The following SSBP2 variants were observed in gnomAD, a reference collection of about 807,000 sequenced individuals.
SSBP2 encodes the protein single-stranded DNA-binding protein 2.
In SSBP2, 17 loss-of-function variants were observed where a neutral mutation model predicts 61.8. The observed-to-expected ratio is 0.28, with a 90% CI of 0.19 to 0.41. The LOEUF is 0.41. Ranked by LOEUF, SSBP2 falls within the 10% of genes least tolerant of loss-of-function variation. The pLI is 1.00. For synonymous variants in SSBP2, 139 were observed against 141.3 expected, an observed-to-expected ratio of 0.98 and a Z score of 0.12; for missense variants, 310 against 458.7, an observed-to-expected ratio of 0.68 and a Z score of 2.96.
chr5:81,532,973 G>A (rs1020002742), intron 4 of SSBP2, among the ~76,000 whole-genome samples: 2 of 151,822 alleles, frequency 1.3e-5, no homozygotes, highest in East Asian at 1.9e-4. Context: ...CTCAACAACC[G>A]ATAGTAGACA....
At position 81,607,328 on chromosome 5, in the gene SSBP2, TG is replaced by T. The variant is rs968639567; in HGVS notation, c.282+8144del. The stretch of plus-strand genomic sequence containing the variant: ...GAGTGGTACAATGTTCCCGCAGAAT[TG>T]GGGGCATCTCATTCAGAAATAGTAT... On this transcript the variant is annotated intron_variant, in intron 4 of 16. Transcript: ENST00000320672. Among the ~76,000 whole-genome samples, 333 of 152,260 alleles carry T rather than the reference TG, an allele frequency of 2.2e-3. 1 individual carries two copies. Among genetic ancestry groups the T allele is most frequent in the Middle Eastern group, 0.01 (3 of 294 alleles).
intron 1 of SSBP2, among the ~76,000 whole-genome samples, chr5:81,746,742 G>C (rs982494333): frequency 6.6e-6 from 1 of 152,042 alleles, no homozygotes; most frequent in African/African-American, 2.4e-5. Flanking sequence ...TTTGATTCTT[G>C]TAGTTTCTGG....
At chr5:81,592,203 G>C (rs915289994) in intron 4 of SSBP2, among the ~76,000 whole-genome samples, 1 of 152,218 alleles carries the variant, frequency 6.6e-6, no homozygotes, top group African/African-American at 2.4e-5. Flanking sequence ...CACTTGGCTC[G>C]GAGGGTCCTA....
At chr5:81,454,498 C>A (rs558063231) in intron 10 of SSBP2, among the ~76,000 whole-genome samples, 1 of 151,984 alleles carries the variant, frequency 6.6e-6, no homozygotes, top group Admixed American at 6.6e-5. Flanking sequence ...GTGGCCAACA[C>A]GGTGAAACCT....
chr5:81,531,782 T>C (rs151049543), intron 4 of SSBP2, among the ~76,000 whole-genome samples: 130 of 151,792 alleles, frequency 8.6e-4, no homozygotes, highest in Non-Finnish European at 9.9e-4. Context: ...AAGAGAAAGA[T>C]AAATTAGGAG....
At chr5:81,420,644 G>C (rs1452454165) in intron 16 of SSBP2, 111 bp from the exon 17 acceptor site, 2 of 877,224 alleles carry the variant, frequency 2.3e-6, no homozygotes, top group African/African-American at 3.4e-5. Flanking sequence ...TCTTTTATGT[G>C]CAAGCTTTTC....
intron 16 of SSBP2, 27 bp from the exon 17 acceptor site, chr5:81,420,560 TAAC>T (rs779645664): frequency 2.2e-4 from 349 of 1,601,634 alleles, no homozygotes; most frequent in Non-Finnish European, 2.8e-4. Context: ...ATCCATATTT[TAAC>T]AACAATTCTT....
At chr5:81,594,585 G>A (rs1743506345) in intron 4 of SSBP2, among the ~76,000 whole-genome samples, 1 of 152,142 alleles carries the variant, frequency 6.6e-6, no homozygotes, top group Non-Finnish European at 1.5e-5. Flanking sequence ...TGACCACATA[G>A]TTGGAAGTAA....
intron 4 of SSBP2, among the ~76,000 whole-genome samples, chr5:81,548,436 A>C (rs911372774): frequency 1.1e-4 from 17 of 152,150 alleles, no homozygotes; most frequent in African/African-American, 3.9e-4. Flanking sequence ...AATATACTTA[A>C]GAAATATATG....
At chr5:81,673,969 C>T (rs957164164) in intron 1 of SSBP2, among the ~76,000 whole-genome samples, 1 of 152,094 alleles carries the variant, frequency 6.6e-6, no homozygotes, top group East Asian at 1.9e-4. Context: ...ATTGCAGGAG[C>T]TTTATATCCA....
At chr5:81,500,403 G>C (rs143540778) in intron 5 of SSBP2, among the ~76,000 whole-genome samples, 206 of 151,910 alleles carry the variant, frequency 1.4e-3, no homozygotes, top group African/African-American at 4.8e-3. Flanking sequence ...TAGTAGAGAC[G>C]GAGTTTCACC....
At chr5:81,505,651 T>C (rs1441902865) in intron 5 of SSBP2, among the ~76,000 whole-genome samples, 1 of 152,192 alleles carries the variant, frequency 6.6e-6, no homozygotes, top group Non-Finnish European at 1.5e-5. Flanking sequence ...TTCAATAATA[T>C]TTTCAAAAGA....
At chr5:81,503,207 C>T (rs956268556) in intron 5 of SSBP2, among the ~76,000 whole-genome samples, 1 of 152,146 alleles carries the variant, frequency 6.6e-6, no homozygotes, top group African/African-American at 2.4e-5. Flanking sequence ...GTAATTCCAG[C>T]ACTTTTGGAG....
At chr5:81,751,457 G>T (rs1244825900), upstream of SSBP2, among the ~76,000 whole-genome samples, 1 of 151,980 alleles carries the variant, frequency 6.6e-6, no homozygotes, top group Non-Finnish European at 1.5e-5. Flanking sequence ...CGCCGCCCGC[G>T]CTCAGCTCCT....
At chr5:81,432,690 G>C (rs1030646020) in intron 15 of SSBP2, among the ~76,000 whole-genome samples, 3 of 152,188 alleles carry the variant, frequency 2.0e-5, no homozygotes, top group African/African-American at 7.2e-5. Flanking sequence ...AGGTTGCAGC[G>C]AGCCAAGATT....
chr5:81,708,245 A>G (rs1285358985), intron 1 of SSBP2, among the ~76,000 whole-genome samples: 1 of 152,134 alleles, frequency 6.6e-6, no homozygotes, highest in Non-Finnish European at 1.5e-5. Context: ...CAGAAAAGGA[A>G]ATAGGAATTG....
intron 1 of SSBP2, among the ~76,000 whole-genome samples, chr5:81,658,781 C>G (rs1286982640): frequency 1.3e-5 from 2 of 152,154 alleles, no homozygotes; most frequent in Non-Finnish European, 2.9e-5. Context: ...AAAACACTGG[C>G]AAACCGAATC....
intron 1 of SSBP2, among the ~76,000 whole-genome samples, chr5:81,750,102 G>A (rs908935799): frequency 2.0e-5 from 3 of 151,514 alleles, no homozygotes; most frequent in African/African-American, 4.9e-5. Flanking sequence ...CCGCCGCCGC[G>A]GAGTTGGGTC....
intron 1 of SSBP2, among the ~76,000 whole-genome samples, chr5:81,705,894 TG>T (rs1258827450): frequency 1.3e-5 from 2 of 152,156 alleles, no homozygotes; most frequent in South Asian, 2.1e-4. Flanking sequence ...ACACTGTTGG[TG>T]GGAATGTAAA....
Sources: allele counts gnomAD v4.1 joint callset (sites outside exome capture counted in the v4.1 genomes callset), GRCh38; gene constraint gnomAD v4.1.1; transcripts MANE v1.5; gene names NCBI Gene and HGNC (gene_info 2026-07-23, HGNC 2026-07-21).